Variants in VSTM4 observed in about 807,000 individuals in gnomAD.
VSTM4 encodes V-set and transmembrane domain-containing protein 4.
Under a neutral mutation model 36.4 loss-of-function variants are expected in VSTM4, and 20 were observed. The ratio of observed to expected loss-of-function variants is 0.55; its 90% confidence interval spans 0.39 to 0.80. The LOEUF is 0.80. VSTM4 is among the 30% of genes least tolerant of loss of function. VSTM4 has a pLI of 0.00. For synonymous variants in VSTM4, 182 were observed against 173.9 expected (o/e 1.05, Z -0.37); for missense variants, 392 against 404.5 (o/e 0.97, Z 0.26).
intron 4 of VSTM4, among the ~76,000 whole-genome samples, chr10:49,075,882 G>A (rs1215712340): frequency 6.6e-6 from 1 of 152,190 alleles, no homozygotes; most frequent in Non-Finnish European, 1.5e-5. Flanking sequence ...AAGTGGGGAG[G>A]GGAGAGGGCC....
chr10:49,073,738 C>G (rs1281610587), intron 4 of VSTM4, among the ~76,000 whole-genome samples: 1 of 152,168 alleles, frequency 6.6e-6, no homozygotes, highest in Non-Finnish European at 1.5e-5. Context: ...GGCAGGGAAG[C>G]TTGACATCTG....
rs774623579 is a variant in VSTM4 at position 49,077,234 on chromosome 10, T to C, written c.619A>G (p.Lys207Glu). 6.2e-7 allele frequency: 1 copy of C among 1,614,094 alleles called. No homozygotes were observed. The highest frequency in any genetic ancestry group is 8.5e-7 in the Non-Finnish European group (1 of 1,180,026). The change falls in exon 4 of 8, where the codon AAG becomes GAG. Residue 207 changes from lysine (K) to glutamate (E), a missense_variant. Physicochemically the swap from Lys to Glu is moderately conservative, Grantham distance 56 (BLOSUM62 1). Coordinates refer to ENST00000332853, the MANE Select transcript of VSTM4 (RefSeq NM_001031746.5). ...GTTTTCTTACCTCTGGATTTCCGCT[T>C]GTTAAACACAGACTGCCAGACGATG... ...LVIVWQSVFN[K>E]RKSRVRHYLV...
intron 7 of VSTM4, among the ~76,000 whole-genome samples, chr10:49,035,122 C>A (rs966636970): frequency 1.3e-5 from 2 of 152,090 alleles, no homozygotes. Flanking sequence ...ACTGCACAAC[C>A]AGGAAAGGCC....
intron 5 of VSTM4, among the ~76,000 whole-genome samples, chr10:49,051,226 C>A (rs1330355560): frequency 6.6e-6 from 1 of 152,136 alleles, no homozygotes. Context: ...TCTACCCTAA[C>A]CCTTGGCAAC....
intron 5 of VSTM4, among the ~76,000 whole-genome samples, chr10:49,051,390 C>CTTTTTTTT (rs796786621): frequency 1.2e-4 from 16 of 130,798 alleles, no homozygotes; most frequent in Non-Finnish European, 1.3e-4. Context: ...CAGCTCATTT[C>CTTTTTTTT]TTTTTTTTTT....
intron 5 of VSTM4, among the ~76,000 whole-genome samples, chr10:49,050,791 A>G (rs770961233): frequency 6.6e-6 from 1 of 152,258 alleles, no homozygotes; most frequent in Non-Finnish European, 1.5e-5. Flanking sequence ...AAGGGTAATT[A>G]CAGGCATGGA....
chr10:49,032,094 A>C (rs1481767059), intron 7 of VSTM4, among the ~76,000 whole-genome samples: 1 of 150,902 alleles, frequency 6.6e-6, no homozygotes, highest in Non-Finnish European at 1.5e-5. Context: ...AGCACATATC[A>C]CTCCTTGGTA....
chr10:49,051,390 C>CTTTTTTTTTTTTTTTTTT (rs796786621), intron 5 of VSTM4, among the ~76,000 whole-genome samples: 8 of 130,804 alleles, frequency 6.1e-5, no homozygotes, highest in African/African-American at 5.8e-5. Flanking sequence ...CAGCTCATTT[C>CTTTTTTTTTTTTTTTTTT]TTTTTTTTTT....
intron 3 of VSTM4, among the ~76,000 whole-genome samples, chr10:49,080,788 T>C (rs1168667334): frequency 2.0e-5 from 3 of 152,188 alleles, no homozygotes. Context: ...GGGAAAGTCT[T>C]GGAGGAAAGC....
In VSTM4 at chr10:49,014,991, G is replaced by C. The variant is rs1376849881; in HGVS notation, c.*4659C>G. On this transcript the variant is annotated 3_prime_UTR_variant, in exon 8 of 8. Transcript: ENST00000332853. Reference sequence around the variant, plus strand: ...TTCCCGCAATGAGCACCAGATCCATGTTTCCAACAGTTTACATCCTTGTCA... The same window carrying C: ...TTCCCGCAATGAGCACCAGATCCATCTTTCCAACAGTTTACATCCTTGTCA... The C allele has an allele frequency of 6.6e-6, 1 of 152,202 alleles. No homozygotes were observed. Among genetic ancestry groups the C allele is most frequent in the African/African-American group, 2.4e-5 (1 of 41,398 alleles). 9.4% of individuals were successfully genotyped at this position (152,202 alleles called of 1,614,324 possible).
At chr10:49,037,963 G>A (rs1843459048) in intron 7 of VSTM4, among the ~76,000 whole-genome samples, 1 of 150,658 alleles carries the variant, frequency 6.6e-6, no homozygotes, top group South Asian at 2.1e-4. Flanking sequence ...AAACCAACAA[G>A]TGTTGGTGAG....
In VSTM4 at chr10:49,085,989, A is replaced by G; in HGVS notation, c.492T>C (p.Phe164=). The G allele has an allele frequency of 6.3e-7, 1 of 1,595,454 alleles. No individual in the cohort carries two copies. The highest frequency in any genetic ancestry group is 1.3e-5 in the African/African-American group (1 of 74,102). The stretch of plus-strand genomic sequence containing the variant: ...ATGCCCAAGTCTCTTTTGTTTTCTC[A>G]AAGGATGACTCTTCAGAAGCTTTGA... ...ISLKASEESS[F]EKTKETWAFF... The change falls in exon 3 of 8, where the codon TTT becomes TTC. Residue 164 remains phenylalanine, a synonymous_variant. Transcript: ENST00000332853.
At chr10:49,087,778 A>G (rs1442866673) in intron 2 of VSTM4, among the ~76,000 whole-genome samples, 1 of 151,806 alleles carries the variant, frequency 6.6e-6, no homozygotes, top group Non-Finnish European at 1.5e-5. Context: ...AGTTTCTTAG[A>G]GTTAAACGTC....
intron 5 of VSTM4, among the ~76,000 whole-genome samples, chr10:49,053,684 G>T (rs80043558): frequency 0.037 from 5,597 of 152,254 alleles, 219 homozygotes; most frequent in Non-Finnish European, 0.044. Flanking sequence ...TTGCCACTTG[G>T]GTATTTCATG....
chr10:49,091,968 G>C (rs1443615979), intron 2 of VSTM4, among the ~76,000 whole-genome samples: 1 of 152,164 alleles, frequency 6.6e-6, no homozygotes, highest in Non-Finnish European at 1.5e-5. Context: ...GGGCCCTGGC[G>C]GGCCAAGAGG....
intron 7 of VSTM4, among the ~76,000 whole-genome samples, chr10:49,035,368 C>T (rs1367857942): frequency 6.6e-6 from 1 of 152,192 alleles, no homozygotes; most frequent in Non-Finnish European, 1.5e-5. Context: ...AGGAGAAGCA[C>T]ATAGTCCTGA....
chr10:49,078,980 C>T (rs187283275), intron 3 of VSTM4, among the ~76,000 whole-genome samples: 69 of 151,322 alleles, frequency 4.6e-4, no homozygotes, highest in African/African-American at 1.5e-3. Context: ...TACAGGTCCA[C>T]GCCGCCACAC....
chr10:49,105,213 C>CAGAGAG (rs376193769), intron 2 of VSTM4, among the ~76,000 whole-genome samples: 143 of 117,536 alleles, frequency 1.2e-3, no homozygotes, highest in African/African-American at 3.0e-3. Context: ...GACAGAGAGA[C>CAGAGAG]AGAGAGAGAG....
At chr10:49,073,835 A>G (rs12256777) in intron 4 of VSTM4, among the ~76,000 whole-genome samples, 56,663 of 152,214 alleles carry the variant, frequency 0.37, 11,728 homozygotes, top group African/African-American at 0.56. Context: ...GAGGAAACCC[A>G]TTCATGAGAG....
Sources: gnomAD v4.1 joint callset for allele counts (sites outside exome capture counted in the v4.1 genomes callset) on GRCh38, gnomAD v4.1.1 for gene constraint, MANE v1.5 for transcripts, NCBI Gene and HGNC (gene_info 2026-07-23, HGNC 2026-07-21) for gene names.